Variants in PATJ observed in about 807,000 individuals in gnomAD.
PATJ encodes the protein inaD-like protein.
In PATJ, 190 loss-of-function variants were observed where a neutral mutation model predicts 224.9. That is an observed-to-expected ratio of 0.84 (90% CI 0.75 to 0.95). The LOEUF is 0.95. Ranked by LOEUF, PATJ falls within the 40% of genes least tolerant of loss-of-function variation. The pLI, the probability that PATJ is intolerant of heterozygous loss-of-function variation, is 0.00. For synonymous variants in PATJ, 769 were observed against 820.3 expected (o/e 0.94, Z 1.07); for missense variants, 2,121 against 2,270.3 (o/e 0.93, Z 1.34).
intron 26 of PATJ, among the ~76,000 whole-genome samples, chr1:61,926,512 A>G (rs926039886): frequency 3.3e-5 from 5 of 152,176 alleles, no homozygotes; most frequent in African/African-American, 9.6e-5. Flanking sequence ...GGTTTACTGA[A>G]AAGAGTTCAT....
intron 14 of PATJ, among the ~76,000 whole-genome samples, chr1:61,813,374 TATATACACACACAC>T (rs1557690704): frequency 1.4e-5 from 1 of 71,962 alleles, no homozygotes; most frequent in Non-Finnish European, 2.5e-5. Flanking sequence ...TATATATATA[TATATACACACACAC>T]ACACACACAC....
At chr1:61,749,098 T>C (rs1570228188) in intron 1 of PATJ, among the ~76,000 whole-genome samples, 2 of 151,180 alleles carry the variant, frequency 1.3e-5, no homozygotes, top group South Asian at 4.2e-4. Context: ...TGCCTCAGCC[T>C]CCCAAGTAGC....
Position 62,054,192 on chromosome 1 carries a change from A to T in PATJ, c.4125+3134A>T, listed in dbSNP as rs576378942. The T allele has an allele frequency of 5.8e-3, 831 of 143,278 alleles. 10 individuals carry two copies. The highest frequency in any genetic ancestry group is 9.7e-3 in the Non-Finnish European group (634 of 65,134). The allele number at this position is 143,278 out of a possible 1,614,324, so 8.9% of individuals were successfully genotyped here. ...AACATTGTGGGCCCCATTTTTATTTAAAAAAAAAAAAAAAGAAGAAATTAG... is the reference window on the plus strand; with the variant it reads ...AACATTGTGGGCCCCATTTTTATTTTAAAAAAAAAAAAAAGAAGAAATTAG... On this transcript the variant is annotated intron_variant, in intron 31 of 43. Transcript: ENST00000642238.
intron 41 of PATJ, among the ~76,000 whole-genome samples, chr1:62,141,679 A>ATAAATAATTAAATAAAC: frequency 6.6e-6 from 1 of 151,636 alleles, no homozygotes; most frequent in Non-Finnish European, 1.5e-5. Flanking sequence ...TGTCTCAAAA[A>ATAAATAATTAAATAAAC]AAAAAAAAAT....
At position 61,914,584 on chromosome 1, in the gene PATJ, T is replaced by C. The variant is rs900124726; in HGVS notation, c.3493-3T>C. ...CCCCCCACCCCTTTTTTTGTCACCA[T>C]AGGTCATTCCTAACGTACATAACAA... On this transcript the variant is annotated splice_polypyrimidine_tract_variant and splice_region_variant and intron_variant, in intron 25 of 43. Coordinates refer to ENST00000642238, the MANE Select transcript of PATJ (RefSeq NM_001350145.3). The C allele has an allele frequency of 1.1e-5, 16 of 1,458,854 alleles. No individual in the cohort carries two copies. Among genetic ancestry groups the C allele is most frequent in the Non-Finnish European group, 1.4e-5 (15 of 1,048,016 alleles). 90.4% of individuals were successfully genotyped at this position (1,458,854 alleles called of 1,614,324 possible).
At chr1:62,159,302 C>T (rs1212600468) in intron 43 of PATJ, among the ~76,000 whole-genome samples, 2 of 152,108 alleles carry the variant, frequency 1.3e-5, no homozygotes, top group Admixed American at 1.3e-4. Flanking sequence ...AGTGATTCTC[C>T]AGCCTCAGCC....
chr1:61,927,820 T>TTTA lies in PATJ; in HGVS notation c.3662_3664dup (p.Phe1221_Thr1222insIle), dbSNP rs1259001424. 1 of 1,610,298 alleles carries TTTA rather than the reference T, an allele frequency of 6.2e-7. No homozygotes were observed. Among genetic ancestry groups the TTTA allele is most frequent in the Non-Finnish European group, 8.5e-7 (1 of 1,177,216 alleles). On this transcript the variant is annotated inframe_insertion, in exon 27 of 44. Transcript: ENST00000642238. ...TGATGAAAATGAAGAAGAAGATGCC[T>TTTA]TTACCGACCGTGAGTGCCTTTTCAC...
Position 62,014,147 on chromosome 1 carries a change from C to T in PATJ, c.3868-3709C>T, listed in dbSNP as rs192291890. ...CATAGCTCACTGCAGTCTTTAACTC[C>T]TGGACTGAAGCGATCCTCCCACCTC... is the stretch of plus-strand genomic sequence containing the variant. On this transcript the variant is annotated intron_variant, in intron 28 of 43. Transcript: ENST00000642238. Among the ~76,000 whole-genome samples the T allele has an allele frequency of 1.2e-4, 18 of 152,248 alleles. No homozygotes were observed. The East Asian group carries it at 3.5e-3, about 29-fold the overall frequency.
chr1:62,154,660 A>AG (rs1217804540), intron 43 of PATJ, among the ~76,000 whole-genome samples: 1 of 151,428 alleles, frequency 6.6e-6, no homozygotes, highest in Non-Finnish European at 1.5e-5. Context: ...AAAAAAAAAA[A>AG]AAAGAAAAGA....
In PATJ at chr1:61,924,699, A is replaced by G. The variant is rs538511062; in HGVS notation, c.3571-3031A>G. 9.2e-5 allele frequency among the ~76,000 whole-genome samples: 14 copies of G among 152,334 alleles called. No homozygotes were observed. The East Asian group carries it at 2.1e-3, about 23-fold the overall frequency. Reference sequence around the variant, plus strand: ...AGATTCTTTATTTTGAGAGATTTATATCTAATTTATTAATATGCTCTGAAG... The same window carrying G: ...AGATTCTTTATTTTGAGAGATTTATGTCTAATTTATTAATATGCTCTGAAG... On this transcript the variant is annotated intron_variant, in intron 26 of 43. Transcript: ENST00000642238.
chr1:61,852,119 TAAAAAAAAAAAA>T (rs3030913), intron 17 of PATJ, among the ~76,000 whole-genome samples: 1 of 108,926 alleles, frequency 9.2e-6, no homozygotes, highest in African/African-American at 3.6e-5. Context: ...GATTCTGTCT[TAAAAAAAAAAAA>T]AAAAAAAAAA....
At chr1:61,871,450 T>TATATGTGTGTATATATATAC (rs1286188752) in intron 20 of PATJ, among the ~76,000 whole-genome samples, 1 of 83,124 alleles carries the variant, frequency 1.2e-5, no homozygotes, top group African/African-American at 3.5e-5. Context: ...TATACACATA[T>TATATGTGTGTATATATATAC]ATATGCGTAT....
intron 31 of PATJ, among the ~76,000 whole-genome samples, chr1:62,067,891 C>T (rs1656746399): frequency 6.6e-6 from 1 of 152,196 alleles, no homozygotes; most frequent in Non-Finnish European, 1.5e-5. Context: ...ACTTCTGCCT[C>T]CCGGGCTCAA....
intron 1 of PATJ, among the ~76,000 whole-genome samples, chr1:61,753,630 C>G (rs559036292): frequency 1.3e-5 from 2 of 152,018 alleles, no homozygotes; most frequent in Admixed American, 1.3e-4. Flanking sequence ...CTGCCTCAGC[C>G]TCCCGAGTAG....
chr1:62,085,353 T>TAA (rs144266069), intron 33 of PATJ, among the ~76,000 whole-genome samples: 1 of 145,548 alleles, frequency 6.9e-6, no homozygotes, highest in Admixed American at 7.0e-5. Flanking sequence ...GACCTTGTCT[T>TAA]AAAAAAAAAA....
chr1:61,898,014 A>AT (rs1670619074), intron 22 of PATJ, among the ~76,000 whole-genome samples: 1 of 152,166 alleles, frequency 6.6e-6, no homozygotes, highest in Admixed American at 6.5e-5. Flanking sequence ...GCCTTACAAC[A>AT]GTTTTATCCT....
rs751952657 is a variant in PATJ, at chr1:61,769,276, T to A, written c.385-7T>A. 1 of 1,598,684 alleles carries A rather than the reference T, an allele frequency of 6.3e-7. No individual in the cohort carries two copies. ...ATTGACTTTTTTTTTTAACGCTCCT[T>A]CATTAGGGCCGGCAAATTGAATATA... is the stretch of plus-strand genomic sequence containing the variant. On this transcript the variant is annotated splice_region_variant and splice_polypyrimidine_tract_variant and intron_variant, in intron 4 of 43. Coordinates refer to ENST00000642238, the MANE Select transcript of PATJ (RefSeq NM_001350145.3).
intron 20 of PATJ, among the ~76,000 whole-genome samples, chr1:61,869,514 G>A (rs1192876872): frequency 1.3e-5 from 2 of 152,144 alleles, no homozygotes; most frequent in Non-Finnish European, 2.9e-5. Flanking sequence ...GGGAATGTTT[G>A]ATAGCCTCAT....
chr1:62,098,348 G>A, intron 33 of PATJ, among the ~76,000 whole-genome samples: 1 of 126,456 alleles, frequency 7.9e-6, no homozygotes, highest in Non-Finnish European at 1.6e-5. Flanking sequence ...GACAGAGGGA[G>A]ACTCCATCTC....
Sources: gnomAD v4.1 joint callset for allele counts (sites outside exome capture counted in the v4.1 genomes callset) on GRCh38, gnomAD v4.1.1 for gene constraint, MANE v1.5 for transcripts, NCBI Gene and HGNC (gene_info 2026-07-23, HGNC 2026-07-21) for gene names.